Variants in NUDCD3 observed in about 807,000 individuals in gnomAD.
The protein encoded by NUDCD3 is NudC domain containing 3.
Under a neutral mutation model 39.7 loss-of-function variants are expected in NUDCD3, and 13 were observed. The ratio of observed to expected loss-of-function variants is 0.33; its 90% CI spans 0.21 to 0.52. The LOEUF is 0.52. Ranked by LOEUF, NUDCD3 falls within the 20% of genes least tolerant of loss-of-function variation. NUDCD3 has a pLI of 0.96. For synonymous variants in NUDCD3, 175 were observed against 172.4 expected (o/e 1.02, Z -0.12); for missense variants, 453 against 458.1 (o/e 0.99, Z 0.10).
At chr7:44,398,454 T>A (rs1798661875) in intron 4 of NUDCD3, among the ~76,000 whole-genome samples, 1 of 152,124 alleles carries the variant, frequency 6.6e-6, no homozygotes, top group Non-Finnish European at 1.5e-5. Context: ...TTTTCCAGCA[T>A]AACAAAATGC....
At chr7:44,483,873 T>C (rs760016354) in intron 2 of NUDCD3, among the ~76,000 whole-genome samples, 19 of 152,168 alleles carry the variant, frequency 1.2e-4, no homozygotes, top group Non-Finnish European at 2.8e-4. Flanking sequence ...CCAGATGTGG[T>C]GGTGCATGCC....
intron 3 of NUDCD3, among the ~76,000 whole-genome samples, chr7:44,405,867 G>A (rs1475784707): frequency 6.6e-6 from 1 of 152,214 alleles, no homozygotes; most frequent in Non-Finnish European, 1.5e-5. Flanking sequence ...CGTGATCCCA[G>A]CTCACTGCTG....
chr7:44,440,280 T>A (rs1451643857), intron 2 of NUDCD3, among the ~76,000 whole-genome samples: 1 of 152,058 alleles, frequency 6.6e-6, no homozygotes, highest in Non-Finnish European at 1.5e-5. Context: ...TAGCCCTGAG[T>A]CTAATCATAA....
In NUDCD3 at chr7:44,440,353, T is replaced by G. The variant is rs971855564; in HGVS notation, c.510-12650A>C. The stretch of plus-strand genomic sequence containing the variant: ...AACATACCTGGCCTCTTCAAAAGTG[T>G]GAACGTCCATGAAAATCAAAAGAAG... On this transcript the variant is annotated intron_variant, in intron 2 of 5. Coordinates refer to ENST00000355451, the MANE Select transcript of NUDCD3 (RefSeq NM_015332.4). Among the ~76,000 whole-genome samples the G allele has an allele frequency of 2.6e-5, 4 of 152,184 alleles. No homozygotes were observed. In the East Asian group the frequency reaches 7.7e-4, roughly 29 times the overall value.
chr7:44,454,697 C>T (rs928640502), intron 2 of NUDCD3, among the ~76,000 whole-genome samples: 2 of 152,086 alleles, frequency 1.3e-5, no homozygotes. Flanking sequence ...GAGGCCAAGG[C>T]GGGAGGATCA....
At position 44,404,596 on chromosome 7, in the gene NUDCD3, C is replaced by G. The variant is rs962857609; in HGVS notation, c.643-13G>C. On this transcript the variant is annotated splice_polypyrimidine_tract_variant and intron_variant, in intron 3 of 5. Coordinates refer to ENST00000355451, the MANE Select transcript of NUDCD3 (RefSeq NM_015332.4). ...GGGCCACTGAGACCTGGGGACACAG[C>G]AGAAGAAAATCATCTCTCCTATCAG... The G allele has an allele frequency of 5.0e-6, 8 of 1,612,214 alleles. No individual in the cohort carries two copies. Among genetic ancestry groups the G allele is most frequent in the Middle Eastern group, 3.3e-4 (2 of 6,084 alleles).
At chr7:44,482,648 A>G (rs1400126194) in intron 2 of NUDCD3, among the ~76,000 whole-genome samples, 1 of 152,234 alleles carries the variant, frequency 6.6e-6, no homozygotes, top group East Asian at 1.9e-4. Context: ...ACAAAACTCA[A>G]CACTCAACAG....
chr7:44,451,169 T>C (rs896764775), intron 2 of NUDCD3, among the ~76,000 whole-genome samples: 2 of 152,224 alleles, frequency 1.3e-5, no homozygotes, highest in Admixed American at 6.5e-5. Context: ...AAGGACATTC[T>C]ACACATGCTA....
chr7:44,448,181 C>T (rs1294637232), intron 2 of NUDCD3, among the ~76,000 whole-genome samples: 1 of 152,240 alleles, frequency 6.6e-6, no homozygotes, highest in Non-Finnish European at 1.5e-5. Flanking sequence ...AGGCTTCTCT[C>T]ATTTCCTTTG....
chr7:44,440,496 G>GAACAAAAAAAAAAAAAAAAAAAA (rs1799558231), intron 2 of NUDCD3, among the ~76,000 whole-genome samples: 1 of 48,386 alleles, frequency 2.1e-5, no homozygotes, highest in Non-Finnish European at 4.0e-5. Context: ...CAGAAAAATT[G>GAACAAAAAAAAAAAAAAAAAAAA]AAAAAAAAAA....
chr7:44,487,822 T>C lies in NUDCD3; in HGVS notation c.193-2538A>G, dbSNP rs1473583496. Among the ~76,000 whole-genome samples, 2 of 151,718 alleles carry C rather than the reference T, an allele frequency of 1.3e-5. 1 individual carries two copies. The highest frequency in any genetic ancestry group is 4.8e-5 in the African/African-American group (2 of 41,266). ...TACAAAAATTCTCTAGGCATGGTGG[T>C]ACATGCCTGTAAACCCAGCTACTCG... On this transcript the variant is annotated intron_variant, in intron 1 of 5. Coordinates refer to ENST00000355451, the MANE Select transcript of NUDCD3 (RefSeq NM_015332.4).
chr7:44,396,463 A>C (rs1798626234), intron 4 of NUDCD3, among the ~76,000 whole-genome samples: 1 of 152,200 alleles, frequency 6.6e-6, no homozygotes, highest in Non-Finnish European at 1.5e-5. Context: ...TAATTATTCT[A>C]AACAAGGGCA....
intron 2 of NUDCD3, among the ~76,000 whole-genome samples, chr7:44,466,704 CTAAG>C (rs1800125628): frequency 6.6e-6 from 1 of 152,210 alleles, no homozygotes. Flanking sequence ...TTGGATAATG[CTAAG>C]TGTTTTCTAG....
In NUDCD3 at chr7:44,381,407, T is replaced by A. The variant is rs1015633660; in HGVS notation, c.*4604A>T. 2 of 152,304 alleles carry A rather than the reference T, an allele frequency of 1.3e-5. No individual in the cohort carries two copies. The highest frequency in any genetic ancestry group is 4.8e-5 in the African/African-American group (2 of 41,422). The allele number at this position is 152,304 out of a possible 1,614,324, so 9.4% of individuals were successfully genotyped here. On this transcript the variant is annotated 3_prime_UTR_variant, in exon 6 of 6. Coordinates refer to ENST00000355451, the MANE Select transcript of NUDCD3 (RefSeq NM_015332.4). ...CTCAGGTGAAGGAGCTGTTGGCTTA[T>A]GAGGAGGCTGCTCCAAGAAGCAAAT...
intron 1 of NUDCD3, among the ~76,000 whole-genome samples, chr7:44,489,117 G>T (rs186818112): frequency 2.0e-5 from 3 of 152,332 alleles, no homozygotes; most frequent in Admixed American, 1.3e-4. Context: ...GCTCTACGGT[G>T]AACTGGCTGT....
intron 3 of NUDCD3, chr7:44,426,231 CA>C: frequency 5.8e-6 from 5 of 862,798 alleles, no homozygotes; most frequent in Non-Finnish European, 7.0e-6. Flanking sequence ...CTGAGGGGAA[CA>C]AAGGCCCACA....
At chr7:44,397,366 G>A (rs542165546) in intron 4 of NUDCD3, among the ~76,000 whole-genome samples, 1 of 152,282 alleles carries the variant, frequency 6.6e-6, no homozygotes, top group Non-Finnish European at 1.5e-5. Flanking sequence ...AAGTAGCCAG[G>A]AATGCGTGTG....
chr7:44,430,522 G>C (rs1248073686), intron 2 of NUDCD3, among the ~76,000 whole-genome samples: 1 of 150,138 alleles, frequency 6.7e-6, no homozygotes, highest in Non-Finnish European at 1.5e-5. Flanking sequence ...TTTGAAAAAA[G>C]TCAAAATTGT....
chr7:44,385,956 G>T lies in NUDCD3; in HGVS notation c.*55C>A. ...GGAATGCAGGGAGCCAAGAAGGGCA[G>T]CCGAGGATAAGGCTCTGCCTCCCCA... is the stretch of plus-strand genomic sequence containing the variant. On this transcript the variant is annotated 3_prime_UTR_variant, in exon 6 of 6. Transcript: ENST00000355451. 1 of 891,740 alleles carries T rather than the reference G, an allele frequency of 1.1e-6. No individual in the cohort carries two copies. The highest frequency in any genetic ancestry group is 1.9e-6 in the Non-Finnish European group (1 of 524,774). 55.2% of individuals were successfully genotyped at this position (891,740 alleles called of 1,614,324 possible).
Sources: gnomAD v4.1 joint callset for allele counts (sites outside exome capture counted in the v4.1 genomes callset) on GRCh38, gnomAD v4.1.1 for gene constraint, MANE v1.5 for transcripts, NCBI Gene and HGNC (gene_info 2026-07-23, HGNC 2026-07-21) for gene names.